SLC12A6: variants seen among roughly 807,000 people sequenced by gnomAD.
The protein encoded by SLC12A6 is solute carrier family 12 member 6.
SLC12A6 carries 66 observed loss-of-function variants against 135.3 expected under a neutral mutation model. The observed-to-expected ratio is 0.49, with a 90% CI of 0.40 to 0.60. The LOEUF (loss-of-function observed/expected upper bound fraction) is 0.60, where lower values mean the gene tolerates loss of function less well. Among genes scored for constraint, SLC12A6 ranks in the 20% least tolerant of loss-of-function variants. The probability of loss-of-function intolerance (pLI) is 0.00; values close to 1 mark genes in which losing one functional copy is unlikely to be tolerated. For missense variants in SLC12A6, 1,058 were observed against 1,452.3 expected (o/e 0.73, Z 4.41); for synonymous variants, 513 against 508.8 (o/e 1.01, Z -0.11).
At chr15:34,298,378 G>C (rs1471219140) in intron 2 of SLC12A6, among the ~76,000 whole-genome samples, 1 of 152,120 alleles carries the variant, frequency 6.6e-6, no homozygotes, top group Non-Finnish European at 1.5e-5. Flanking sequence ...GGGAGGCAGA[G>C]GCAGGAGAAC....
chr15:34,251,881 C>A (rs902150610), intron 10 of SLC12A6, among the ~76,000 whole-genome samples: 3 of 152,144 alleles, frequency 2.0e-5, no homozygotes, highest in Non-Finnish European at 4.4e-5. Context: ...GGCAATTTTA[C>A]AAGAATACAC....
intron 2 of SLC12A6, among the ~76,000 whole-genome samples, chr15:34,276,824 T>G (rs1264043264): frequency 6.6e-6 from 1 of 152,216 alleles, no homozygotes; most frequent in Non-Finnish European, 1.5e-5. Context: ...ATGTTTTACA[T>G]ATCATTTAAT....
chr15:34,241,581 C>A (rs544638366), intron 17 of SLC12A6, among the ~76,000 whole-genome samples: 1 of 152,168 alleles, frequency 6.6e-6, no homozygotes, highest in South Asian at 2.1e-4. Context: ...CTCATTCAGT[C>A]CTTCTATGTA....
At chr15:34,304,833 C>T (rs1460537176) in intron 2 of SLC12A6, among the ~76,000 whole-genome samples, 1 of 152,174 alleles carries the variant, frequency 6.6e-6, no homozygotes, top group African/African-American at 2.4e-5. Context: ...ATAATACATT[C>T]CCAAAGAGTC....
chr15:34,282,748 T>C (rs1381414406), intron 2 of SLC12A6, among the ~76,000 whole-genome samples: 1 of 152,184 alleles, frequency 6.6e-6, no homozygotes, highest in East Asian at 1.9e-4. Flanking sequence ...CAGCACTATT[T>C]CCATTAAGTC....
rs1331502708 is a variant in SLC12A6, at chr15:34,284,397, C to T, written c.272-9008G>A. Among the ~76,000 whole-genome samples the T allele has an allele frequency of 2.6e-5, 4 of 151,432 alleles. No homozygotes were observed. In the South Asian group the frequency reaches 6.3e-4, roughly 24 times the overall value. On this transcript the variant is annotated intron_variant, in intron 2 of 25. Transcript: ENST00000354181. ...AAGCGATTCTCCTGCCTCAGCCTCC[C>T]GAGTACCTGGGATTACAGGCACCCG...
intron 3 of SLC12A6, among the ~76,000 whole-genome samples, chr15:34,274,032 T>A (rs1465848398): frequency 6.6e-6 from 1 of 152,224 alleles, no homozygotes; most frequent in South Asian, 2.1e-4. Context: ...AAGACTGATA[T>A]ATCTATCTTA....
intron 7 of SLC12A6, among the ~76,000 whole-genome samples, chr15:34,255,953 G>GGC (rs1412195517): frequency 6.6e-6 from 1 of 152,048 alleles, no homozygotes; most frequent in East Asian, 1.9e-4. Flanking sequence ...GGGTGACAGA[G>GGC]TGAGACTCTG....
In SLC12A6 at chr15:34,317,584, T is replaced by C. The variant is rs138341417; in HGVS notation, c.271+18826A>G. 7.4e-3 allele frequency among the ~76,000 whole-genome samples: 1,118 copies of C among 151,238 alleles called. 46 individuals carry two copies. The highest frequency in any genetic ancestry group is 0.06 in the Admixed American group (913 of 15,216). On this transcript the variant is annotated intron_variant, in intron 2 of 25. Transcript: ENST00000354181. ...CGGGCGTGGTGGCAGGCATCTGTAA[T>C]CCCAGCTACTCGGGAGGCTGAGGCA...
At chr15:34,314,409 C>G (rs1287367094) in intron 2 of SLC12A6, among the ~76,000 whole-genome samples, 1 of 152,150 alleles carries the variant, frequency 6.6e-6, no homozygotes, top group Non-Finnish European at 1.5e-5. Flanking sequence ...AGATTTCTTT[C>G]AAAATATTAC....
intron 2 of SLC12A6, among the ~76,000 whole-genome samples, chr15:34,295,387 G>A (rs941259510): frequency 6.6e-6 from 1 of 152,104 alleles, no homozygotes; most frequent in Non-Finnish European, 1.5e-5. Flanking sequence ...TACCATCTAT[G>A]CAATAGGAAT....
chr15:34,275,358 G>A lies in SLC12A6; in HGVS notation c.303C>T (p.His101=). ...DLSQNSITGE[H]SQLLDDGHKK... is the part of the protein sequence containing the mutation. ...GTAATACTATACCTAACAGTTGGCT[G>A]TGTTCCCCTGTGATGGAGTTCTGAC... The change falls in exon 3 of 26, where the codon CAC becomes CAT. Residue 101 remains histidine, a synonymous_variant. Coordinates refer to ENST00000354181, the MANE Select transcript of SLC12A6 (RefSeq NM_001365088.1). The A allele has an allele frequency of 1.3e-6, 2 of 1,539,360 alleles. No homozygotes were observed. The highest frequency in any genetic ancestry group is 1.4e-5 in the African/African-American group (1 of 73,396).
rs147194524 is a variant in SLC12A6, at chr15:34,291,954, G to A, written c.272-16565C>T. On this transcript the variant is annotated intron_variant, in intron 2 of 25. Coordinates refer to ENST00000354181, the MANE Select transcript of SLC12A6 (RefSeq NM_001365088.1). ...ATGCTCCTTTAGCTCGGAGAAGTTT[G>A]TTATTACCGACCTTCTGAAGCCTAC... Among the ~76,000 whole-genome samples the A allele has an allele frequency of 5.9e-3, 899 of 152,152 alleles. 6 individuals are homozygous for A. Among genetic ancestry groups the A allele is most frequent in the African/African-American group, 0.021 (866 of 41,482 alleles).
chr15:34,247,444 G>A (rs1358176435), intron 13 of SLC12A6, among the ~76,000 whole-genome samples: 1 of 152,050 alleles, frequency 6.6e-6, no homozygotes, highest in South Asian at 2.1e-4. Context: ...GTGAACCCGG[G>A]AGGCAGAGGT....
chr15:34,238,833 T>G, intron 20 of SLC12A6, 132 bp downstream of exon 20: 1 of 819,610 alleles, frequency 1.2e-6, no homozygotes, highest in Non-Finnish European at 2.2e-6. Context: ...CTACCAATAG[T>G]TTTTCAGGTT....
intron 2 of SLC12A6, among the ~76,000 whole-genome samples, chr15:34,286,694 G>A (rs867852661): frequency 3.2e-4 from 49 of 152,128 alleles, no homozygotes; most frequent in Middle Eastern, 3.4e-3. Context: ...TGCTTGGGAG[G>A]CTGAGGCAGG....
In SLC12A6 at chr15:34,251,024, T is replaced by C; in HGVS notation, c.1367A>G (p.Glu456Gly). The change falls in exon 11 of 26, where the codon GAG (glutamate) becomes GGG (glycine). Residue 456 changes from glutamate to glycine, a missense_variant. By Grantham distance (98) the Glu-to-Gly change is moderately conservative (BLOSUM62 -2). Coordinates refer to ENST00000354181, the MANE Select transcript of SLC12A6 (RefSeq NM_001365088.1). ...TTTGGCTGAAGGCTTTTCGATGATC[T>C]CTCCCTTGGGTAGGTAATTACTCCA... ...NLWSNYLPKG[E>G]IIEKPSAKSS... 6.2e-7 allele frequency: 1 copy of C among 1,611,456 alleles called. No homozygotes were observed. Among genetic ancestry groups the C allele is most frequent in the African/African-American group, 1.3e-5 (1 of 74,824 alleles).
chr15:34,329,361 A>G (rs1287261588), intron 2 of SLC12A6, among the ~76,000 whole-genome samples: 1 of 152,268 alleles, frequency 6.6e-6, no homozygotes, highest in Non-Finnish European at 1.5e-5. Context: ...AAAAGCTTAC[A>G]GCATTATAAG....
chr15:34,278,985 C>A (rs1000716788), intron 2 of SLC12A6, among the ~76,000 whole-genome samples: 1 of 152,050 alleles, frequency 6.6e-6, no homozygotes, highest in African/African-American at 2.4e-5. Context: ...TGAAGACTAA[C>A]CTCCAAGAAC....
Sources: allele counts gnomAD v4.1 joint callset (sites outside exome capture counted in the v4.1 genomes callset), GRCh38; gene constraint gnomAD v4.1.1; transcripts MANE v1.5; gene names NCBI Gene and HGNC (gene_info 2026-07-23, HGNC 2026-07-21).